Variants in ZBTB7C observed in about 807,000 individuals in gnomAD.
ZBTB7C encodes the protein zinc finger and BTB domain-containing protein 7C.
A neutral mutation model predicts 25.7 loss-of-function variants in ZBTB7C; 8 were observed. The ratio of observed to expected loss-of-function variants is 0.31; its 90% confidence interval spans 0.18 to 0.56. The LOEUF (loss-of-function observed/expected upper bound fraction) is 0.56, where lower values mean the gene tolerates loss of function less well. Among genes scored for constraint, ZBTB7C ranks in the 20% least tolerant of loss-of-function variants. ZBTB7C has a pLI of 0.91. For missense variants in ZBTB7C, 824 were observed against 855.2 expected (o/e 0.96, Z 0.46); for synonymous variants, 394 against 369.0 (o/e 1.07, Z -0.78).
chr18:48,296,506 G>A (rs916009160), intron 2 of ZBTB7C, among the ~76,000 whole-genome samples: 19 of 152,168 alleles, frequency 1.2e-4, no homozygotes, highest in Non-Finnish European at 2.4e-4. Flanking sequence ...CTTTTCTGAA[G>A]TCTTGGAAAC....
intron 2 of ZBTB7C, among the ~76,000 whole-genome samples, chr18:48,191,299 T>TG (rs945227394): frequency 2.0e-5 from 3 of 152,174 alleles, no homozygotes; most frequent in African/African-American, 7.2e-5. Context: ...CCATGATGCT[T>TG]GGTGGTTCAG....
intron 3 of ZBTB7C, among the ~76,000 whole-genome samples, chr18:48,095,395 G>T (rs2038580766): frequency 6.6e-6 from 1 of 152,196 alleles, no homozygotes; most frequent in Non-Finnish European, 1.5e-5. Context: ...GGGTTGGCCA[G>T]CAGGGATGTC....
At chr18:48,311,192 T>G (rs1349862843) in intron 2 of ZBTB7C, among the ~76,000 whole-genome samples, 1 of 152,168 alleles carries the variant, frequency 6.6e-6, no homozygotes, top group Admixed American at 6.5e-5. Flanking sequence ...CAAGATGCAG[T>G]AGATGTCTGT....
At chr18:48,047,687 T>G (rs1036414300) in intron 3 of ZBTB7C, among the ~76,000 whole-genome samples, 27 of 152,146 alleles carry the variant, frequency 1.8e-4, no homozygotes, top group African/African-American at 5.6e-4. Flanking sequence ...AACTGTAAAA[T>G]GAGAGCATCT....
chr18:48,386,058 A>G (rs750007229), intron 1 of ZBTB7C, among the ~76,000 whole-genome samples: 1 of 152,188 alleles, frequency 6.6e-6, no homozygotes, highest in Admixed American at 6.5e-5. Context: ...ATTATCCTCC[A>G]TTCCACCCCT....
At chr18:48,399,395 A>G (rs1266772389) in intron 1 of ZBTB7C, among the ~76,000 whole-genome samples, 2 of 152,256 alleles carry the variant, frequency 1.3e-5, no homozygotes, top group African/African-American at 2.4e-5. Flanking sequence ...TGTTTGGAAA[A>G]GTAATAAAAA....
At chr18:48,117,314 G>T (rs1020470588) in intron 3 of ZBTB7C, among the ~76,000 whole-genome samples, 5 of 152,224 alleles carry the variant, frequency 3.3e-5, no homozygotes, top group African/African-American at 1.2e-4. Flanking sequence ...GGGCAGATGG[G>T]AGTTAATGGA....
At chr18:48,115,110 A>G (rs977016571) in intron 3 of ZBTB7C, among the ~76,000 whole-genome samples, 1 of 152,056 alleles carries the variant, frequency 6.6e-6, no homozygotes, top group African/African-American at 2.4e-5. Flanking sequence ...GTAACCTCTA[A>G]CCTACTTTAT....
At chr18:48,118,067 G>A (rs918544270) in intron 3 of ZBTB7C, among the ~76,000 whole-genome samples, 7 of 148,492 alleles carry the variant, frequency 4.7e-5, no homozygotes, top group East Asian at 2.0e-4. Context: ...GTGCAGTGGC[G>A]TAATCTTGAC....
At chr18:48,130,956 T>G (rs992514702) in intron 3 of ZBTB7C, among the ~76,000 whole-genome samples, 6 of 152,160 alleles carry the variant, frequency 3.9e-5, no homozygotes, top group Admixed American at 3.9e-4. Flanking sequence ...TAGACTGGAG[T>G]GCAGTGGTCC....
intron 3 of ZBTB7C, among the ~76,000 whole-genome samples, chr18:48,046,347 C>T (rs2036467778): frequency 1.3e-5 from 2 of 152,100 alleles, no homozygotes; most frequent in Non-Finnish European, 2.9e-5. Flanking sequence ...GAAGTGACAC[C>T]TTTTTCTAAT....
chr18:48,365,102 T>C (rs1253800874), intron 1 of ZBTB7C, among the ~76,000 whole-genome samples: 4 of 152,232 alleles, frequency 2.6e-5, no homozygotes, highest in Non-Finnish European at 5.9e-5. Context: ...CAGTTATTCA[T>C]CTTCATGGCT....
chr18:48,043,460 C>T (rs575385546), intron 3 of ZBTB7C, among the ~76,000 whole-genome samples: 13 of 152,218 alleles, frequency 8.5e-5, no homozygotes, highest in Admixed American at 3.3e-4. Context: ...CAGGGAGTTA[C>T]GCTGAGTGAA....
In ZBTB7C at chr18:48,186,161, G is replaced by A. The variant is rs903105762; in HGVS notation, c.-78-166C>T. Among the ~76,000 whole-genome samples, 4 of 152,134 alleles carry A rather than the reference G, an allele frequency of 2.6e-5. No individual in the cohort carries two copies. In the East Asian group the frequency reaches 5.8e-4, roughly 22 times the overall value. On this transcript the variant is annotated intron_variant, in intron 2 of 4. Coordinates refer to ENST00000590800, the MANE Select transcript of ZBTB7C (RefSeq NM_001318841.2). ...CATGCTAGTTGGGTGGGTGCCCCTCGCTCCTCGCAGGATTCCACCCCTCCA... is the reference window on the plus strand; with the variant it reads ...CATGCTAGTTGGGTGGGTGCCCCTCACTCCTCGCAGGATTCCACCCCTCCA...
intron 3 of ZBTB7C, among the ~76,000 whole-genome samples, chr18:48,114,504 G>A (rs756490729): frequency 2.6e-5 from 4 of 152,094 alleles, no homozygotes; most frequent in Non-Finnish European, 5.9e-5. Flanking sequence ...GGGAGGCTGA[G>A]GCAGAAGAAT....
At chr18:48,305,927 C>T (rs1014147252) in intron 2 of ZBTB7C, among the ~76,000 whole-genome samples, 23 of 152,104 alleles carry the variant, frequency 1.5e-4, no homozygotes, top group Admixed American at 2.6e-4. Context: ...CTATGTAGCC[C>T]GAGCTCACTG....
chr18:48,225,958 G>A (rs112693692), intron 2 of ZBTB7C, among the ~76,000 whole-genome samples: 2,153 of 152,252 alleles, frequency 0.014, 54 homozygotes, highest in African/African-American at 0.048. Flanking sequence ...GGGCAGGATG[G>A]TCTCGATCGC....
chr18:48,237,048 G>A (rs2043399188), intron 2 of ZBTB7C, among the ~76,000 whole-genome samples: 1 of 152,142 alleles, frequency 6.6e-6, no homozygotes, highest in Non-Finnish European at 1.5e-5. Flanking sequence ...CTAGGACTGA[G>A]GACGTGGAAA....
chr18:48,062,086 A>G (rs927408896), intron 3 of ZBTB7C, among the ~76,000 whole-genome samples: 1 of 152,258 alleles, frequency 6.6e-6, no homozygotes, highest in African/African-American at 2.4e-5. Context: ...CAAGGAAAAC[A>G]TGAGAGAATC....
Sources: allele counts gnomAD v4.1 joint callset (sites outside exome capture counted in the v4.1 genomes callset), GRCh38; gene constraint gnomAD v4.1.1; transcripts MANE v1.5; gene names NCBI Gene and HGNC (gene_info 2026-07-23, HGNC 2026-07-21).